The following GOLIM4 variants were observed in gnomAD, a reference collection of about 807,000 sequenced individuals.
The protein encoded by GOLIM4 is golgi integral membrane protein 4.
A neutral mutation model predicts 107.4 loss-of-function variants in GOLIM4; 71 were observed. That is an observed-to-expected ratio of 0.66 (90% CI 0.55 to 0.81). The LOEUF is 0.81. Among genes scored for constraint, GOLIM4 ranks in the 30% least tolerant of loss-of-function variants. The pLI, the probability that GOLIM4 is intolerant of heterozygous loss-of-function variation, is 0.00. For synonymous variants in GOLIM4, 327 were observed against 294.8 expected (o/e 1.11, Z -1.12); for missense variants, 830 against 826.1 (o/e 1.00, Z -0.06).
chr3:168,021,758 G>A (rs543164403), intron 14 of GOLIM4, among the ~76,000 whole-genome samples: 1 of 152,188 alleles, frequency 6.6e-6, no homozygotes, highest in African/African-American at 2.4e-5. Context: ...GTACATATTT[G>A]GCCAGTGAAG....
intron 14 of GOLIM4, among the ~76,000 whole-genome samples, chr3:168,021,212 T>C (rs1013104111): frequency 1.3e-5 from 2 of 152,104 alleles, no homozygotes; most frequent in African/African-American, 2.4e-5. Flanking sequence ...CTTTTACACA[T>C]TGAAGATATT....
chr3:168,095,195 T>C lies in GOLIM4; in HGVS notation c.91A>G (p.Met31Val). The change falls in exon 1 of 16, where the codon ATG becomes GTG. Residue 31 changes from methionine to valine, a missense_variant. By Grantham distance (21) the Met-to-Val change is conservative. Transcript: ENST00000470487. ...TGCGTCTGCAGCTCGTAGTAGAGCA[T>C]CGCGCCGTAGAGAAAGCCGAACACG... ...TVVFGFLYGA[M>V]LYYELQTQLR... The C allele has an allele frequency of 6.2e-7, 1 of 1,613,732 alleles. No individual in the cohort carries two copies. Among genetic ancestry groups the C allele is most frequent in the Non-Finnish European group, 8.5e-7 (1 of 1,179,964 alleles).
chr3:168,048,082 A>T lies in GOLIM4; in HGVS notation c.262+209T>A, dbSNP rs559639130. Among the ~76,000 whole-genome samples, 9 of 152,338 alleles carry T rather than the reference A, an allele frequency of 5.9e-5. No individual in the cohort carries two copies. In the South Asian group the frequency reaches 1.9e-3, roughly 32 times the overall value. On this transcript the variant is annotated intron_variant, in intron 2 of 15. Transcript: ENST00000470487. ...ATATGAGCTATCACAAGGTGGCATA[A>T]ACTGAATACAGTATTCTAAATCCAA...
Position 168,095,377 on chromosome 3 carries a change from G to T in GOLIM4, c.-92C>A. On this transcript the variant is annotated 5_prime_UTR_variant, in exon 1 of 16. Coordinates refer to ENST00000470487, the MANE Select transcript of GOLIM4 (RefSeq NM_014498.5). ...TCAGCAGCGGCCGCCGCAGTAGGTG[G>T]CCAGACGCAGCATGAGGAGGAGATG... 9.5e-7 allele frequency: 1 copy of T among 1,049,704 alleles called. No individual in the cohort carries two copies. Among genetic ancestry groups the T allele is most frequent in the African/African-American group, 1.6e-5 (1 of 61,558 alleles). 65.0% of individuals were successfully genotyped at this position (1,049,704 alleles called of 1,614,324 possible).
At chr3:168,025,203 A>G in intron 12 of GOLIM4, 108 bp from the exon 13 acceptor site, 2 of 823,296 alleles carry the variant, frequency 2.4e-6, no homozygotes, top group East Asian at 2.6e-5. Context: ...CCTTCCCTCA[A>G]TTGTTCAGAT....
chr3:168,082,285 C>G (rs148835157), intron 1 of GOLIM4, among the ~76,000 whole-genome samples: 5 of 152,240 alleles, frequency 3.3e-5, no homozygotes, highest in Admixed American at 3.3e-4. Flanking sequence ...TGGTCTTAGG[C>G]AATGAGCTGG....
chr3:168,077,291 T>C (rs1166215628), intron 1 of GOLIM4, among the ~76,000 whole-genome samples: 1 of 152,206 alleles, frequency 6.6e-6, no homozygotes, highest in Non-Finnish European at 1.5e-5. Context: ...CACCATCCCA[T>C]TAACGTTTGG....
intron 1 of GOLIM4, among the ~76,000 whole-genome samples, chr3:168,058,758 A>G (rs560925095): frequency 1.3e-3 from 202 of 152,286 alleles, no homozygotes; most frequent in Non-Finnish European, 2.2e-3. Context: ...AAAAGGCTGC[A>G]CTCTACAAAG....
intron 1 of GOLIM4, among the ~76,000 whole-genome samples, chr3:168,065,551 T>A (rs1417441884): frequency 6.6e-6 from 1 of 152,202 alleles, no homozygotes; most frequent in African/African-American, 2.4e-5. Context: ...ACTGAATAAA[T>A]AATAAGGCAG....
chr3:168,036,891 T>C lies in GOLIM4; in HGVS notation c.788A>G (p.His263Arg). 6.2e-7 allele frequency: 1 copy of C among 1,614,094 alleles called. No individual in the cohort carries two copies. The highest frequency in any genetic ancestry group is 8.5e-7 in the Non-Finnish European group (1 of 1,179,940). Residue 263 changes from histidine (H) to arginine (R), a missense_variant, in exon 8 of 16, where the codon CAT (histidine) becomes CGT (arginine). Physicochemically the swap from His to Arg is conservative, Grantham distance 29. Transcript: ENST00000470487. ...AEQQNVTQVA[H>R]SPQGYNTARE... ...TGCTGTGTTGTAACCTTGTGGAGAA[T>C]GTGCCACCTGGGTCACATTTTGCTG...
rs1193470145 is a variant in GOLIM4 at position 168,010,005 on chromosome 3, T to TA, written c.*263dup. On this transcript the variant is annotated 3_prime_UTR_variant, in exon 16 of 16. Coordinates refer to ENST00000470487, the MANE Select transcript of GOLIM4 (RefSeq NM_014498.5). ...AGCTTTCCAACATCACATAATCTAT[T>TA]AAAAAAATTGGGACGTGGGGGCTCA... The TA allele has an allele frequency of 3.4e-6, 1 of 295,634 alleles. No homozygotes were observed. The highest frequency in any genetic ancestry group is 6.1e-6 in the Non-Finnish European group (1 of 163,632). The allele number at this position is 295,634 out of a possible 1,614,324, so 18.3% of individuals were successfully genotyped here.
chr3:168,075,461 T>A (rs1721035435), intron 1 of GOLIM4, among the ~76,000 whole-genome samples: 2 of 151,528 alleles, frequency 1.3e-5, no homozygotes, highest in South Asian at 4.2e-4. Context: ...TACGCCCGGC[T>A]AATTTTTTTT....
chr3:168,040,533 T>C (rs1420947408), intron 7 of GOLIM4, among the ~76,000 whole-genome samples: 1 of 152,220 alleles, frequency 6.6e-6, no homozygotes, highest in East Asian at 1.9e-4. Context: ...AAACAAGTAT[T>C]AGACTACTGC....
At position 168,024,999 on chromosome 3, in the gene GOLIM4, G is replaced by A. The variant is rs778126644; in HGVS notation, c.1720C>T (p.Pro574Ser). 7 of 1,613,554 alleles carry A rather than the reference G, an allele frequency of 4.3e-6. No individual in the cohort carries two copies. The highest frequency in any genetic ancestry group is 1.6e-4 in the Middle Eastern group (1 of 6,062). ...EAEQVREENL[P>S]DENEEQKQSN... ...TGTTTTTGCTCTTCATTTTCATCTG[G>A]CAAATTTTCTTCTCTCACTTGCTCG... Residue 574 changes from proline (P) to serine (S), a missense_variant, in exon 13 of 16, where the codon CCA (proline) becomes TCA (serine). Transcript: ENST00000470487.
intron 1 of GOLIM4, among the ~76,000 whole-genome samples, chr3:168,079,006 G>A (rs1721206763): frequency 1.3e-5 from 2 of 152,148 alleles, no homozygotes; most frequent in Admixed American, 1.3e-4. Flanking sequence ...TGGGTTGTAT[G>A]AGGATATTAA....
rs568767159 is a variant in GOLIM4, at chr3:168,032,742, T to C, written c.954A>G (p.Pro318=). ...GTTCCACTTCTTGTTGGATTGGCTC[T>C]GGGGGAGCCTGAAATTCTGCCTCCT... ...THKEAEFQAP[P]EPIQQEVERR... Residue 318 remains proline, a synonymous_variant, in exon 9 of 16, where the codon CCA becomes CCG. Coordinates refer to ENST00000470487, the MANE Select transcript of GOLIM4 (RefSeq NM_014498.5). 30 of 1,614,008 alleles carry C rather than the reference T, an allele frequency of 1.9e-5. 1 individual carries two copies. The South Asian group carries it at 3.3e-4, about 18-fold the overall frequency.
At position 168,095,363 on chromosome 3, in the gene GOLIM4, C is replaced by T; in HGVS notation, c.-78G>A. 1 of 1,290,670 alleles carries T rather than the reference C, an allele frequency of 7.7e-7. No individual in the cohort carries two copies. The highest frequency in any genetic ancestry group is 1.5e-5 in the African/African-American group (1 of 66,726). The allele number at this position is 1,290,670 out of a possible 1,614,324, so 80.0% of individuals were successfully genotyped here. On this transcript the variant is annotated 5_prime_UTR_variant, in exon 1 of 16. Coordinates refer to ENST00000470487, the MANE Select transcript of GOLIM4 (RefSeq NM_014498.5). ...TCCGAGCGAGCGTCTCAGCAGCGGC[C>T]GCCGCAGTAGGTGGCCAGACGCAGC...
intron 1 of GOLIM4, among the ~76,000 whole-genome samples, chr3:168,089,217 A>T (rs557404679): frequency 6.6e-6 from 1 of 152,344 alleles, no homozygotes; most frequent in Admixed American, 6.5e-5. Context: ...GTACAGGATC[A>T]AGCAAAAATG....
intron 1 of GOLIM4, among the ~76,000 whole-genome samples, chr3:168,067,803 A>C (rs1278910805): frequency 6.6e-6 from 1 of 152,126 alleles, no homozygotes; most frequent in African/African-American, 2.4e-5. Flanking sequence ...CAGCCATTCG[A>C]AAAATAAAAA....
Sources: gnomAD v4.1 joint callset for allele counts (sites outside exome capture counted in the v4.1 genomes callset) on GRCh38, gnomAD v4.1.1 for gene constraint, MANE v1.5 for transcripts, NCBI Gene and HGNC (gene_info 2026-07-23, HGNC 2026-07-21) for gene names.